ITPKB: variants seen among roughly 807,000 people sequenced by gnomAD.
The protein encoded by ITPKB is IP3 3-kinase B.
A neutral mutation model predicts 69.4 loss-of-function variants in ITPKB; 13 were observed. That is an observed-to-expected ratio of 0.19 (90% CI 0.12 to 0.30). The LOEUF (loss-of-function observed/expected upper bound fraction) is 0.30, where lower values mean the gene tolerates loss of function less well. ITPKB is among the 10% of genes least tolerant of loss of function. The pLI, the probability that ITPKB is intolerant of heterozygous loss-of-function variation, is 1.00. For missense variants in ITPKB, 1,240 were observed against 1,250.5 expected (o/e 0.99, Z 0.13); for synonymous variants, 584 against 513.7 (o/e 1.14, Z -1.85).
At chr1:226,701,198 C>T (rs181053086) in intron 2 of ITPKB, among the ~76,000 whole-genome samples, 31 of 152,336 alleles carry the variant, frequency 2.0e-4, no homozygotes, top group Middle Eastern at 3.4e-3. Flanking sequence ...AAGCTCAGAA[C>T]TCCTGCTTTT....
In ITPKB at chr1:226,641,137, G is replaced by A. The variant is rs980351854; in HGVS notation, c.2451+784C>T. The stretch of plus-strand genomic sequence containing the variant: ...TTTAACAGCAAGGGTGCACACAGGG[G>A]CCCAGGGACAGGGAGATCATCCAGA... On this transcript the variant is annotated intron_variant, in intron 5 of 7. Coordinates refer to ENST00000429204, the MANE Select transcript of ITPKB (RefSeq NM_002221.4). The surrounding 1 kb of genome is among the most constrained non-coding windows in gnomAD (Gnocchi z 4.6). 1.3e-5 allele frequency among the ~76,000 whole-genome samples: 2 copies of A among 152,224 alleles called. No individual in the cohort carries two copies. Among genetic ancestry groups the A allele is most frequent in the African/African-American group, 4.8e-5 (2 of 41,452 alleles).
At chr1:226,710,472 TAC>T (rs1656919365) in intron 2 of ITPKB, among the ~76,000 whole-genome samples, 1 of 152,252 alleles carries the variant, frequency 6.6e-6, no homozygotes, top group South Asian at 2.1e-4. Flanking sequence ...CTCAACTTGA[TAC>T]AGTGTTTCTT....
At chr1:226,702,993 AT>A (rs541177884) in intron 2 of ITPKB, among the ~76,000 whole-genome samples, 4 of 152,142 alleles carry the variant, frequency 2.6e-5, no homozygotes, top group Non-Finnish European at 5.9e-5. Context: ...GAGGTGGTTT[AT>A]TTTCATAACA....
At position 226,737,877 on chromosome 1, in the gene ITPKB, C is replaced by G. The variant is rs368149230; in HGVS notation, c.-205-214G>C. On this transcript the variant is annotated intron_variant, in intron 1 of 7. Coordinates refer to ENST00000429204, the MANE Select transcript of ITPKB (RefSeq NM_002221.4). ...GTTTCGGGTGTGCTTCCCCGCCCCCCACCTCGCCCCAGGCTGCGATGCGCT... is the reference window on the plus strand; with the variant it reads ...GTTTCGGGTGTGCTTCCCCGCCCCCGACCTCGCCCCAGGCTGCGATGCGCT... 3.2e-4 allele frequency among the ~76,000 whole-genome samples: 48 copies of G among 152,288 alleles called. No homozygotes were observed. In the East Asian group the frequency reaches 7.0e-3, roughly 22 times the overall value.
intron 2 of ITPKB, among the ~76,000 whole-genome samples, chr1:226,700,176 A>G (rs1656600078): frequency 6.6e-6 from 1 of 152,166 alleles, no homozygotes; most frequent in South Asian, 2.1e-4. Context: ...CCCAGCATCA[A>G]TACTTTGCAA....
At chr1:226,698,832 C>G (rs1208741301) in intron 2 of ITPKB, among the ~76,000 whole-genome samples, 1 of 152,224 alleles carries the variant, frequency 6.6e-6, no homozygotes, top group Non-Finnish European at 1.5e-5. Flanking sequence ...ACAAGACTAG[C>G]TCTGCTACCC....
intron 2 of ITPKB, among the ~76,000 whole-genome samples, chr1:226,698,556 T>C (rs1367109427): frequency 2.6e-5 from 4 of 152,242 alleles, no homozygotes; most frequent in Non-Finnish European, 5.9e-5. Flanking sequence ...TTCATTTATA[T>C]ATGAATGAGG....
rs1668761135 is a variant in ITPKB at position 226,633,269 on chromosome 1, C to T, written c.*1402G>A. Reference sequence around the variant, plus strand: ...TGGGGTGGGCAGTGGTTCCTCCAGACACACACACCTTGGTCCATAGTCTCC... The same window carrying T: ...TGGGGTGGGCAGTGGTTCCTCCAGATACACACACCTTGGTCCATAGTCTCC... On this transcript the variant is annotated 3_prime_UTR_variant, in exon 8 of 8. Transcript: ENST00000429204. The T allele has an allele frequency of 6.6e-6, 1 of 152,412 alleles. No homozygotes were observed. Among genetic ancestry groups the T allele is most frequent in the Non-Finnish European group, 1.5e-5 (1 of 68,100 alleles). The allele number at this position is 152,412 out of a possible 1,614,324, so 9.4% of individuals were successfully genotyped here. A position where few individuals can be genotyped will look rare whatever the true frequency, so the allele number is the denominator to read the frequency against.
chr1:226,677,553 A>C (rs708766), intron 2 of ITPKB, among the ~76,000 whole-genome samples: 24,463 of 152,212 alleles, frequency 0.16, 2,073 homozygotes, highest in African/African-American at 0.18. Flanking sequence ...TCCACCCTGA[A>C]TATTGCTGGA....
At chr1:226,733,968 C>G (rs1238667205) in intron 2 of ITPKB, among the ~76,000 whole-genome samples, 2 of 152,234 alleles carry the variant, frequency 1.3e-5, no homozygotes, top group Non-Finnish European at 2.9e-5. Context: ...GTTAAAGTGA[C>G]TTTGGCTGTT....
intron 2 of ITPKB, 86 bp downstream of exon 2, chr1:226,735,441 G>C: frequency 7.3e-7 from 1 of 1,375,504 alleles, no homozygotes; most frequent in Non-Finnish European, 9.5e-7. Flanking sequence ...TGACTGTGTA[G>C]AAAGTTAAGA....
rs759820662 is a variant in ITPKB, at chr1:226,735,883, C to T, written c.1576G>A (p.Val526Met). Residue 526 changes from valine (V) to methionine (M), a missense_variant, in exon 2 of 8, where the codon GTG becomes ATG. Around this residue, in one of 2 missense-constraint regions of ITPKB, gnomAD observed 992 missense variants for 853.8 expected, o/e 1.16. Transcript: ENST00000429204. ...AGLAWTRGTG[V>M]QSEGTWESQR... is the part of the protein sequence containing the mutation. Reference sequence around the variant, plus strand: ...CTTTCCCAAGTCCCCTCTGATTGCACCCCTGTGCCACGCGTCCAAGCCAAA... The same window carrying T: ...CTTTCCCAAGTCCCCTCTGATTGCATCCCTGTGCCACGCGTCCAAGCCAAA... 46 of 1,611,818 alleles carry T rather than the reference C, an allele frequency of 2.9e-5. No homozygotes were observed. The highest frequency in any genetic ancestry group is 3.8e-5 in the Non-Finnish European group (45 of 1,178,366).
chr1:226,643,866 T>TGC (rs1371589544), intron 4 of ITPKB, among the ~76,000 whole-genome samples: 1 of 152,154 alleles, frequency 6.6e-6, no homozygotes, highest in African/African-American at 2.4e-5. Flanking sequence ...TGTGCACCAC[T>TGC]GCACACACAC....
At chr1:226,651,562 C>A (rs556846753) in intron 2 of ITPKB, among the ~76,000 whole-genome samples, 1 of 152,242 alleles carries the variant, frequency 6.6e-6, no homozygotes, top group African/African-American at 2.4e-5. Flanking sequence ...AGGTTCTGAA[C>A]AATAAAGACC....
At chr1:226,640,275 C>A (rs143299645) in intron 5 of ITPKB, among the ~76,000 whole-genome samples, 226 of 152,364 alleles carry the variant, frequency 1.5e-3, no homozygotes, top group Non-Finnish European at 2.8e-3. Flanking sequence ...GTCCTGGGCC[C>A]TCATGTGGGG....
Position 226,735,563 on chromosome 1 carries a change from G to T in ITPKB, c.1896C>A (p.Ala632=). The T allele has an allele frequency of 6.5e-7, 1 of 1,548,202 alleles. No homozygotes were observed. Among genetic ancestry groups the T allele is most frequent in the Non-Finnish European group, 8.7e-7 (1 of 1,146,538 alleles). ...TCTGCTGGTCCAGGGTATGCAGGAA[G>T]GCTGAGTTGGGGTCCAGGGTGCGCT... ...DPERTLDPNS[A]FLHTLDQQKP... The change falls in exon 2 of 8, where the codon GCC becomes GCA. Residue 632 remains alanine (A), a synonymous_variant. Coordinates refer to ENST00000429204, the MANE Select transcript of ITPKB (RefSeq NM_002221.4).
At chr1:226,647,102 C>A in intron 4 of ITPKB, 65 bp downstream of exon 4, 1 of 1,488,066 alleles carries the variant, frequency 6.7e-7, no homozygotes, top group Non-Finnish European at 9.3e-7. Flanking sequence ...CTGAGTGCCA[C>A]GCTGTGCACC....
rs1374234690 is a variant in ITPKB, at chr1:226,738,807, G to C, written c.-206+234C>G. ...TGGAGCGCGCTGAGGGAGGCGGCGC[G>C]GAGTGAGCGGCCCGGAAGGCGGGTA... On this transcript the variant is annotated intron_variant, in intron 1 of 7. Coordinates refer to ENST00000429204, the MANE Select transcript of ITPKB (RefSeq NM_002221.4). The surrounding 1 kb of genome is among the most constrained non-coding windows in gnomAD (Gnocchi z 4.2). Among the ~76,000 whole-genome samples, 2 of 152,184 alleles carry C rather than the reference G, an allele frequency of 1.3e-5. No homozygotes were observed. The highest frequency in any genetic ancestry group is 3.9e-4 in the East Asian group (2 of 5,168).
At chr1:226,734,395 G>A (rs890526825) in intron 2 of ITPKB, among the ~76,000 whole-genome samples, 2 of 152,252 alleles carry the variant, frequency 1.3e-5, no homozygotes, top group Non-Finnish European at 2.9e-5. Flanking sequence ...GAAGAATGCA[G>A]AGTAGAAACA....
Sources: gnomAD v4.1 joint callset for allele counts (sites outside exome capture counted in the v4.1 genomes callset) on GRCh38, gnomAD v4.1.1 for gene constraint, gnomAD v4.1.1 regional missense constraint, Gnocchi (gnomAD v3.1) non-coding constraint, MANE v1.5 for transcripts, NCBI Gene and HGNC (gene_info 2026-07-23, HGNC 2026-07-21) for gene names.